Variants in ZNF418 observed in about 807,000 individuals in gnomAD.
ZNF418 encodes zinc finger protein 418.
Under a neutral mutation model 32.0 loss-of-function variants are expected in ZNF418, and 32 were observed. The observed-to-expected ratio is 1.00, with a 90% CI of 0.75 to 1.34. The LOEUF (loss-of-function observed/expected upper bound fraction) is 1.34, where lower values mean the gene tolerates loss of function less well. ZNF418 is among the 40% of genes most tolerant of loss of function. The probability of loss-of-function intolerance (pLI) is 0.00; values close to 1 mark genes in which losing one functional copy is unlikely to be tolerated. For synonymous variants in ZNF418, 276 were observed against 270.7 expected (o/e 1.02, Z -0.19); for missense variants, 804 against 812.5 (o/e 0.99, Z 0.13).
intron 2 of ZNF418, 141 bp downstream of exon 2, chr19:57,933,676 G>A (rs915544090): frequency 3.7e-6 from 4 of 1,072,500 alleles, no homozygotes; most frequent in African/African-American, 3.1e-5. Context: ...AGCCAAGATC[G>A]TGCCACTGCA....
intron 3 of ZNF418, among the ~76,000 whole-genome samples, chr19:57,930,162 G>A (rs2072423495): frequency 6.6e-6 from 1 of 152,186 alleles, no homozygotes; most frequent in Non-Finnish European, 1.5e-5. Flanking sequence ...ACAGGGACAT[G>A]CAAGGTGAAA....
In ZNF418 at chr19:57,927,051, T is replaced by C. The variant is rs2072265960; in HGVS notation, c.1130A>G (p.Lys377Arg). 9 of 1,614,074 alleles carry C rather than the reference T, an allele frequency of 5.6e-6. No homozygotes were observed. Among genetic ancestry groups the C allele is most frequent in the Non-Finnish European group, 7.6e-6 (9 of 1,180,028 alleles). The change falls in exon 4 of 6, where the codon AAA (lysine) becomes AGA (arginine). Residue 377 changes from lysine (K) to arginine (R), a missense_variant. Coordinates refer to ENST00000396147, the MANE Select transcript of ZNF418 (RefSeq NM_133460.3). ...TAGGGTGCCCTTTTGACTAAAACAT[T>C]TTCCACATTCTTCACACTCATAAGG... The part of the protein sequence containing the change: ...ERPYECEECG[K>R]CFSQKGTLTE...
chr19:57,925,990 A>T lies in ZNF418; in HGVS notation c.*160T>A, dbSNP rs1303523338. The T allele has an allele frequency of 3.2e-6, 2 of 618,916 alleles. No homozygotes were observed. The highest frequency in any genetic ancestry group is 3.7e-5 in the African/African-American group (2 of 54,256). 38.3% of individuals were successfully genotyped at this position (618,916 alleles called of 1,614,324 possible). A position where few individuals can be genotyped will look rare whatever the true frequency, so the allele number is the denominator to read the frequency against. On this transcript the variant is annotated 3_prime_UTR_variant, in exon 4 of 6. Coordinates refer to ENST00000396147, the MANE Select transcript of ZNF418 (RefSeq NM_133460.3). The stretch of plus-strand genomic sequence containing the variant: ...CTTTCTCACATTCATCGCACTCAAG[A>T]GGCCCTTCTGCAGTGGGAGCTCTTC...
rs369675638 is a variant in ZNF418 at position 57,926,217 on chromosome 19, G to C, written c.1964C>G (p.Ser655Ter). ...AAGGAGAGAAGAGCTTCGATGAAATGATTTTCCACATTCACTGCACTCATA... is the reference window on the plus strand; with the variant it reads ...AAGGAGAGAAGAGCTTCGATGAAATCATTTTCCACATTCACTGCACTCATA... ...RPYECSECGK[S>*]FHRSSSLLRH... The change falls in exon 4 of 6, where the codon TCA becomes TGA. Residue 655 changes from serine to a stop codon, truncating the protein, a stop_gained. Coordinates refer to ENST00000396147, the MANE Select transcript of ZNF418 (RefSeq NM_133460.3). LOFTEE classifies it low-confidence loss of function (END_TRUNC). The C allele has an allele frequency of 2.8e-5, 46 of 1,614,088 alleles. No homozygotes were observed. The African/African-American group carries it at 5.5e-4, about 19-fold the overall frequency.
rs921247292 is a variant in ZNF418, at chr19:57,922,269, G to A, written c.*986C>T. ...AAAGGCATGAGTCCCTGTACATGAC[G>A]AGATGGGCTTTTATTAACCTCTTTG... On this transcript the variant is annotated 3_prime_UTR_variant, in exon 6 of 6. Transcript: ENST00000396147. 1 of 251,068 alleles carries A rather than the reference G, an allele frequency of 4.0e-6. No homozygotes were observed. Among genetic ancestry groups the A allele is most frequent in the Non-Finnish European group, 7.5e-6 (1 of 132,924 alleles). The allele number at this position is 251,068 out of a possible 1,614,324, so 15.6% of individuals were successfully genotyped here.
chr19:57,929,686 CTT>C (rs71940099), intron 3 of ZNF418, among the ~76,000 whole-genome samples: 29 of 145,428 alleles, frequency 2.0e-4, no homozygotes, highest in East Asian at 2.0e-4. Flanking sequence ...AACAGAATTT[CTT>C]TTTTTTTTTT....
At position 57,926,091 on chromosome 19, in the gene ZNF418, G is replaced by A; in HGVS notation, c.*59C>T. On this transcript the variant is annotated 3_prime_UTR_variant, in exon 4 of 6. Transcript: ENST00000396147. ...CACTCATAAGGTCCTGATCCAGTAA[G>A]AACCCTCTGATCAAGAAGATGCACA... The A allele has an allele frequency of 1.4e-6, 2 of 1,419,006 alleles. No homozygotes were observed. The highest frequency in any genetic ancestry group is 2.6e-5 in the South Asian group (2 of 76,528). 87.9% of individuals were successfully genotyped at this position (1,419,006 alleles called of 1,614,324 possible). A position where few individuals can be genotyped will look rare whatever the true frequency, so the allele number is the denominator to read the frequency against.
In ZNF418 at chr19:57,926,282, A is replaced by G. The variant is rs750504029; in HGVS notation, c.1899T>C (p.Ser633=). ...TGTGTACTCTCCTGTGTTCAGTAAGACTGAAGGTTTCAGCAAAGGATTTCC... is the reference window on the plus strand; with the variant it reads ...TGTGTACTCTCCTGTGTTCAGTAAGGCTGAAGGTTTCAGCAAAGGATTTCC... ...ECGKSFAETF[S]LTEHRRVHTG... The change falls in exon 4 of 6, where the codon AGT becomes AGC. Residue 633 remains serine (S), a synonymous_variant. Transcript: ENST00000396147. 5 of 1,607,696 alleles carry G rather than the reference A, an allele frequency of 3.1e-6. No homozygotes were observed. Among genetic ancestry groups the G allele is most frequent in the Non-Finnish European group, 4.3e-6 (5 of 1,175,392 alleles).
At chr19:57,922,829 A>T (rs2122600847) in intron 5 of ZNF418, among the ~76,000 whole-genome samples, 200 bp from the exon 6 acceptor site, 1 of 151,880 alleles carries the variant, frequency 6.6e-6, no homozygotes, top group Middle Eastern at 3.4e-3. Context: ...GTGAGACCTA[A>T]TCTCTACAGA....
chr19:57,926,473 C>G lies in ZNF418; in HGVS notation c.1708G>C (p.Glu570Gln), dbSNP rs1398983680. Residue 570 changes from glutamate to glutamine, a missense_variant, in exon 4 of 6, where the codon GAA becomes CAA. Glu to Gln is a conservative substitution (Grantham distance 29). Around this residue, in one of 3 missense-constraint regions of ZNF418, gnomAD observed 475 missense variants for 458.6 expected, o/e 1.04. Transcript: ENST00000396147. ...HTAERPYECR[E>Q]CGKFFSSLLE... ...AGACTGGAGAAGAATTTCCCACATT[C>G]TCTGCACTCATAAGGTCTTTCTGCA... is the stretch of plus-strand genomic sequence containing the variant. The G allele has an allele frequency of 1.2e-6, 2 of 1,612,926 alleles. No homozygotes were observed. Among genetic ancestry groups the G allele is most frequent in the Admixed American group, 3.3e-5 (2 of 59,896 alleles).
chr19:57,925,744 G>A lies in ZNF418; in HGVS notation c.*406C>T, dbSNP rs187982845. The A allele has an allele frequency of 3.0e-4, 54 of 180,742 alleles. No homozygotes were observed. Among genetic ancestry groups the A allele is most frequent in the East Asian group, 2.1e-3 (15 of 7,146 alleles). The allele number at this position is 180,742 out of a possible 1,614,324, so 11.2% of individuals were successfully genotyped here. A position where few individuals can be genotyped will look rare whatever the true frequency, so the allele number is the denominator to read the frequency against. The stretch of plus-strand genomic sequence containing the variant: ...ATAAAATGGCTTTTGCCAGATAACC[G>A]ACATCATGTCTGGCAAGGGAACCCG... On this transcript the variant is annotated 3_prime_UTR_variant, in exon 4 of 6. Coordinates refer to ENST00000396147, the MANE Select transcript of ZNF418 (RefSeq NM_133460.3).
rs1371395435 is a variant in ZNF418 at position 57,927,501 on chromosome 19, C to G, written c.680G>C (p.Arg227Thr). The change falls in exon 4 of 6, where the codon AGA (arginine) becomes ACA (threonine). Residue 227 changes from arginine (R) to threonine (T), a missense_variant. Transcript: ENST00000396147. ...ACATTCCCAGCAATAACATTCCTCT[C>G]TAGAGGGAAGTCTCTGCTGTTGAAC... is the stretch of plus-strand genomic sequence containing the variant. The part of the protein sequence containing the change: ...VFVQQQRLPS[R>T]EECYCWECGK... The G allele has an allele frequency of 1.2e-6, 2 of 1,614,228 alleles. No individual in the cohort carries two copies.
Position 57,926,311 on chromosome 19 carries a change from A to T in ZNF418, c.1870T>A (p.Cys624Ser), listed in dbSNP as rs1198685047. Residue 624 changes from cysteine (C) to serine (S), a missense_variant, in exon 4 of 6, where the codon TGT (cysteine) becomes AGT (serine). Cys to Ser is a moderately radical substitution (Grantham distance 112). This residue lies in a region of ZNF418 where 475 missense variants were observed against 458.6 expected (regional missense o/e 1.04). Transcript: ENST00000396147. ...AAGGTTTCAGCAAAGGATTTCCCAC[A>T]TTCGCTGCACTCGTAAGGCTTTCCT... ...TRGKPYECSE[C>S]GKSFAETFSL... is the part of the protein sequence containing the mutation. 2 of 1,612,054 alleles carry T rather than the reference A, an allele frequency of 1.2e-6. No individual in the cohort carries two copies. The highest frequency in any genetic ancestry group is 8.5e-7 in the Non-Finnish European group (1 of 1,179,228).
At chr19:57,932,522 G>A (rs1218580536) in intron 2 of ZNF418, 7 of 1,535,034 alleles carry the variant, frequency 4.6e-6, no homozygotes, top group Non-Finnish European at 5.2e-6. Flanking sequence ...AGAACCAGGT[G>A]GGGCTTTAGA....
Position 57,926,364 on chromosome 19 carries a change from T to C in ZNF418, c.1817A>G (p.His606Arg). 2 of 1,603,450 alleles carry C rather than the reference T, an allele frequency of 1.2e-6. No individual in the cohort carries two copies. The highest frequency in any genetic ancestry group is 1.7e-6 in the Non-Finnish European group (2 of 1,172,510). Residue 606 changes from histidine to arginine, a missense_variant, in exon 4 of 6, where the codon CAT becomes CGT. Coordinates refer to ENST00000396147, the MANE Select transcript of ZNF418 (RefSeq NM_133460.3). Reference protein sequence around the residue: ...CGKTFTRRSAHFKHQRLHTRG... With the variant: ...CGKTFTRRSARFKHQRLHTRG... ...AGTATGAAGTCTCTGATGTTTAAAATGCGCAGACCTTCGAGTAAATGTTTT... is the reference window on the plus strand; with the variant it reads ...AGTATGAAGTCTCTGATGTTTAAAACGCGCAGACCTTCGAGTAAATGTTTT...
intron 3 of ZNF418, among the ~76,000 whole-genome samples, chr19:57,928,565 A>G (rs1378060854): frequency 6.6e-6 from 1 of 152,114 alleles, no homozygotes; most frequent in Non-Finnish European, 1.5e-5. Context: ...CACCTGCTGT[A>G]TAACTCTTTC....
chr19:57,924,155 A>G (rs1254536577), intron 4 of ZNF418, among the ~76,000 whole-genome samples: 1 of 151,982 alleles, frequency 6.6e-6, no homozygotes, highest in Non-Finnish European at 1.5e-5. Flanking sequence ...AAAAAAAAAA[A>G]GAAAAACATG....
intron 1 of ZNF418, chr19:57,934,808 C>A: frequency 3.4e-6 from 1 of 298,014 alleles, no homozygotes; most frequent in East Asian, 7.0e-5. Context: ...GATCGCATCC[C>A]TCCTTTCTTC....
chr19:57,934,969 C>A, intron 1 of ZNF418, 192 bp downstream of exon 1: 1 of 1,403,268 alleles, frequency 7.1e-7, no homozygotes, highest in Admixed American at 2.3e-5. Flanking sequence ...GGCCATAGCC[C>A]GCGCCGGTCC....
Sources: allele counts gnomAD v4.1 joint callset (sites outside exome capture counted in the v4.1 genomes callset), GRCh38; gene constraint gnomAD v4.1.1; regional missense constraint gnomAD v4.1.1; transcripts MANE v1.5; gene names NCBI Gene and HGNC (gene_info 2026-07-23, HGNC 2026-07-21).